Variants in THRB observed in about 807,000 individuals in gnomAD.
THRB encodes thyroid hormone receptor beta.
In THRB, 12 loss-of-function variants were observed where a neutral mutation model predicts 47.8. The observed-to-expected ratio is 0.25, with a 90% confidence interval of 0.16 to 0.41. THRB has a LOEUF of 0.41. Ranked by LOEUF, THRB falls within the 10% of genes least tolerant of loss-of-function variation. THRB has a pLI of 1.00. For missense variants in THRB, 348 were observed against 589.2 expected (o/e 0.59, Z 4.24); for synonymous variants, 218 against 212.2 (o/e 1.03, Z -0.24).
chr3:24,224,233 C>G (rs2047433414), intron 4 of THRB, among the ~76,000 whole-genome samples: 1 of 150,542 alleles, frequency 6.6e-6, no homozygotes, highest in African/African-American at 2.4e-5. Flanking sequence ...ATTATATATT[C>G]ATCATGTCAA....
At chr3:24,471,600 G>A (rs567350997) in intron 1 of THRB, among the ~76,000 whole-genome samples, 1 of 152,114 alleles carries the variant, frequency 6.6e-6, no homozygotes, top group African/African-American at 2.4e-5. Flanking sequence ...CAGCTTTGTG[G>A]CCCTTGAACA....
intron 1 of THRB, among the ~76,000 whole-genome samples, chr3:24,480,242 A>G (rs1013856443): frequency 2.0e-5 from 3 of 152,106 alleles, no homozygotes; most frequent in African/African-American, 7.2e-5. Flanking sequence ...AGAATATTGC[A>G]CTGGAAAGCA....
At chr3:24,206,360 C>A (rs1575863480) in intron 4 of THRB, among the ~76,000 whole-genome samples, 1 of 152,126 alleles carries the variant, frequency 6.6e-6, no homozygotes, top group Non-Finnish European at 1.5e-5. Context: ...CTCAAAACCG[C>A]TCAACTACAT....
intron 1 of THRB, among the ~76,000 whole-genome samples, chr3:24,481,993 A>G (rs1395366746): frequency 6.6e-6 from 1 of 152,194 alleles, no homozygotes; most frequent in Non-Finnish European, 1.5e-5. Context: ...AGGCTGAAAA[A>G]TACTAGGTCA....
At chr3:24,478,031 G>C (rs1577880684) in intron 1 of THRB, among the ~76,000 whole-genome samples, 1 of 151,906 alleles carries the variant, frequency 6.6e-6, no homozygotes, top group African/African-American at 2.4e-5. Context: ...AAATTCACTT[G>C]TCAAAATGGT....
At chr3:24,293,035 AT>A (rs1489818340) in intron 3 of THRB, among the ~76,000 whole-genome samples, 2 of 146,232 alleles carry the variant, frequency 1.4e-5, no homozygotes, top group Admixed American at 6.9e-5. Context: ...TTTGTTGCTC[AT>A]AATTTTTTGC....
At chr3:24,146,548 A>G in intron 7 of THRB, 127 bp downstream of exon 7, 1 of 1,030,920 alleles carries the variant, frequency 9.7e-7, no homozygotes, top group South Asian at 1.3e-5. Context: ...GGTGTATGCG[A>G]AAGTAAGGTA....
At chr3:24,232,895 T>C (rs757438892) in intron 3 of THRB, among the ~76,000 whole-genome samples, 5 of 152,160 alleles carry the variant, frequency 3.3e-5, no homozygotes, top group African/African-American at 9.7e-5. Flanking sequence ...TAGGTTAAGA[T>C]TGGAGGCTCT....
Position 24,374,831 on chromosome 3 carries a change from C to T in THRB, c.-260-37460G>A, listed in dbSNP as rs1214700856. On this transcript the variant is annotated intron_variant, in intron 1 of 10. Coordinates refer to ENST00000646209, the MANE Select transcript of THRB (RefSeq NM_001354712.2). ...AATAAATGCAACACATTGAGAATAG[C>T]TGTTAGTGCCTTACTGAAAAATCCT... 2.0e-5 allele frequency among the ~76,000 whole-genome samples: 3 copies of T among 152,152 alleles called. No individual in the cohort carries two copies. In the East Asian group the frequency reaches 5.8e-4, roughly 29 times the overall value.
At chr3:24,286,056 A>T (rs2055254428) in intron 3 of THRB, among the ~76,000 whole-genome samples, 1 of 152,176 alleles carries the variant, frequency 6.6e-6, no homozygotes, top group Non-Finnish European at 1.5e-5. Flanking sequence ...ATATGCACCA[A>T]GGAAAGACCA....
intron 3 of THRB, among the ~76,000 whole-genome samples, chr3:24,238,331 A>G (rs1173749886): frequency 1.4e-5 from 2 of 144,868 alleles, no homozygotes; most frequent in Non-Finnish European, 3.0e-5. Context: ...TTGGAAACAC[A>G]TTCATCATGT....
chr3:24,127,923 C>A (rs894350888), intron 9 of THRB, among the ~76,000 whole-genome samples, 166 bp from the exon 10 acceptor site: 9 of 152,222 alleles, frequency 5.9e-5, no homozygotes, highest in Non-Finnish European at 4.4e-5. Context: ...AGACTTTCGA[C>A]AACCATTTTT....
chr3:24,188,097 A>G (rs962044549), intron 5 of THRB, among the ~76,000 whole-genome samples: 3 of 152,218 alleles, frequency 2.0e-5, no homozygotes, highest in African/African-American at 7.2e-5. Flanking sequence ...AGTTGAATGA[A>G]TGCAAAATAA....
rs541717853 is a variant in THRB at position 24,281,977 on chromosome 3, T to A, written c.-43+15249A>T. ...ACAAAGAGAGTTAGACTCCCACACA[T>A]TAATAATGGGAGACTTTAACACCCC... On this transcript the variant is annotated intron_variant, in intron 3 of 10. Coordinates refer to ENST00000646209, the MANE Select transcript of THRB (RefSeq NM_001354712.2). Among the ~76,000 whole-genome samples the A allele has an allele frequency of 7.1e-3, 1,014 of 142,478 alleles. 5 individuals carry two copies. The highest frequency in any genetic ancestry group is 0.019 in the Middle Eastern group (5 of 260). The allele number at this position is 142,478 out of a possible 152,430, so 93.5% of individuals were successfully genotyped here.
intron 9 of THRB, among the ~76,000 whole-genome samples, chr3:24,133,023 G>A (rs2034109390): frequency 6.6e-6 from 1 of 152,182 alleles, no homozygotes; most frequent in East Asian, 1.9e-4. Context: ...AACTAGGACA[G>A]CATAGGTGCA....
At chr3:24,261,358 G>T (rs2051974349) in intron 3 of THRB, among the ~76,000 whole-genome samples, 1 of 151,910 alleles carries the variant, frequency 6.6e-6, no homozygotes, top group Non-Finnish European at 1.5e-5. Flanking sequence ...AATTAGCTGG[G>T]CGTGGTGGCA....
intron 1 of THRB, among the ~76,000 whole-genome samples, chr3:24,363,565 G>T (rs1014496273): frequency 2.6e-5 from 4 of 151,956 alleles, no homozygotes; most frequent in Non-Finnish European, 4.4e-5. Flanking sequence ...GAAGCTCAAG[G>T]GATAGAAGAT....
chr3:24,186,127 G>A (rs1227926585), intron 5 of THRB, among the ~76,000 whole-genome samples: 2 of 152,180 alleles, frequency 1.3e-5, no homozygotes, highest in African/African-American at 4.8e-5. Flanking sequence ...ACGAGTTGAA[G>A]AGTATTTTCA....
intron 5 of THRB, among the ~76,000 whole-genome samples, chr3:24,163,061 G>C (rs1475447925): frequency 2.6e-5 from 4 of 152,084 alleles, no homozygotes; most frequent in African/African-American, 9.7e-5. Context: ...ACCTGTTTAT[G>C]GTCTTAATTT....
Sources: gnomAD v4.1 joint callset for allele counts (sites outside exome capture counted in the v4.1 genomes callset) on GRCh38, gnomAD v4.1.1 for gene constraint, MANE v1.5 for transcripts, NCBI Gene and HGNC (gene_info 2026-07-23, HGNC 2026-07-21) for gene names.